The following ATP2B2 variants were observed in gnomAD, a reference collection of about 807,000 sequenced individuals.
The protein encoded by ATP2B2 is plasma membrane calcium-transporting ATPase 2.
In ATP2B2, 15 loss-of-function variants were observed where a neutral mutation model predicts 120.0. That is an observed-to-expected ratio of 0.12 (90% confidence interval 0.08 to 0.19). The LOEUF is 0.19. Ranked by LOEUF, ATP2B2 falls within the 10% of genes least tolerant of loss-of-function variation. The pLI is 1.00. For synonymous variants in ATP2B2, 694 were observed against 700.3 expected, an observed-to-expected ratio of 0.99 and a Z score of 0.14; for missense variants, 1,045 against 1,719.8, an observed-to-expected ratio of 0.61 and a Z score of 6.94.
chr3:10,545,669 G>C (rs578225040), intron 2 of ATP2B2, among the ~76,000 whole-genome samples: 1 of 152,342 alleles, frequency 6.6e-6, no homozygotes, highest in African/African-American at 2.4e-5. Flanking sequence ...CAGTAATTGG[G>C]AATGCAGACA....
In ATP2B2 at chr3:10,644,667, T is replaced by C. The variant is rs537887247; in HGVS notation, c.-459-24706A>G. On this transcript the variant is annotated intron_variant, in intron 1 of 21. Coordinates refer to the ATP2B2 transcript ENST00000646379. ...CAAAAGGCTGCATATTCCATGATTCTATTTATATGCAATGTCTAGAATCAA... is the reference window on the plus strand; with the variant it reads ...CAAAAGGCTGCATATTCCATGATTCCATTTATATGCAATGTCTAGAATCAA... Among the ~76,000 whole-genome samples the C allele has an allele frequency of 2.6e-5, 4 of 152,364 alleles. No homozygotes were observed. In the East Asian group the frequency reaches 7.7e-4, roughly 29 times the overall value.
rs149451433 is a variant in ATP2B2, at chr3:10,698,956, T to G, written c.-460+8959A>C. Reference sequence around the variant, plus strand: ...CATAACCGTCATCCACTCTTACCCTTCACCTGTGGGATGGTCTTCTAAAGC... The same window carrying G: ...CATAACCGTCATCCACTCTTACCCTGCACCTGTGGGATGGTCTTCTAAAGC... On this transcript the variant is annotated intron_variant, in intron 1 of 21. Transcript: ENST00000646379. Among the ~76,000 whole-genome samples the G allele has an allele frequency of 4.1e-3, 620 of 152,320 alleles. 2 individuals carry two copies. The highest frequency in any genetic ancestry group is 0.014 in the African/African-American group (591 of 41,576).
At chr3:10,489,282 C>T (rs900459506) in intron 1 of ATP2B2, among the ~76,000 whole-genome samples, 1 of 152,206 alleles carries the variant, frequency 6.6e-6, no homozygotes, top group Admixed American at 6.5e-5. Context: ...TATGGTCTCT[C>T]TCCACCTGCT....
chr3:10,384,316 G>A (rs1390187915), intron 8 of ATP2B2, among the ~76,000 whole-genome samples: 1 of 152,196 alleles, frequency 6.6e-6, no homozygotes, highest in Admixed American at 6.5e-5. Context: ...TGCAGAGACG[G>A]TGGGAAAAAG....
chr3:10,702,982 C>T (rs1180612284), intron 1 of ATP2B2, among the ~76,000 whole-genome samples: 1 of 152,156 alleles, frequency 6.6e-6, no homozygotes, highest in African/African-American at 2.4e-5. Flanking sequence ...CTCTGGAAGC[C>T]TGATGGAAGC....
chr3:10,561,096 C>T (rs1213039179), intron 2 of ATP2B2, among the ~76,000 whole-genome samples: 1 of 152,184 alleles, frequency 6.6e-6, no homozygotes, highest in African/African-American at 2.4e-5. Flanking sequence ...TACAAGTCTC[C>T]CCTTGCACTT....
chr3:10,449,697 C>A lies in ATP2B2; in HGVS notation c.-154G>T, dbSNP rs567025154. 1.9e-3 allele frequency: 1,619 copies of A among 863,376 alleles called. No individual in the cohort carries two copies. The highest frequency in any genetic ancestry group is 2.8e-3 in the Non-Finnish European group (1,485 of 530,084). 53.5% of individuals were successfully genotyped at this position (863,376 alleles called of 1,614,324 possible). A position where few individuals can be genotyped will look rare whatever the true frequency, so the allele number is the denominator to read the frequency against. ...CCGGGTCCCGGGGGGTGGGGGTGGC[C>A]GAGGCGGGCTGGTGACAGTGGTGGT... On this transcript the variant is annotated 5_prime_UTR_variant, in exon 2 of 23. Coordinates refer to ENST00000360273, the MANE Select transcript of ATP2B2 (RefSeq NM_001001331.4).
Position 10,458,779 on chromosome 3 carries a change from C to T in ATP2B2, c.-319-8917G>A, listed in dbSNP as rs144436622. Among the ~76,000 whole-genome samples the T allele has an allele frequency of 2.1e-3, 315 of 152,328 alleles. 5 individuals carry two copies. The South Asian group carries it at 0.041, about 20-fold the overall frequency. On this transcript the variant is annotated intron_variant, in intron 1 of 22. Coordinates refer to ENST00000360273, the MANE Select transcript of ATP2B2 (RefSeq NM_001001331.4). The stretch of plus-strand genomic sequence containing the variant: ...CACTTTATAGGCAAGGAAGCTGGGG[C>T]TCAGAGAGGCCACAATCGCCACGGC...
upstream of ATP2B2, among the ~76,000 whole-genome samples, chr3:10,506,281 C>T (rs767289558): frequency 1.3e-5 from 2 of 151,698 alleles, no homozygotes; most frequent in Non-Finnish European, 2.9e-5. Context: ...CACCTGCCCT[C>T]GGGGGGGTGT....
In ATP2B2 at chr3:10,516,962, ATGTGTGTG is replaced by A. The variant is rs112098821; in HGVS notation, c.-320+17069_-320+17076del. Among the ~76,000 whole-genome samples the A allele has an allele frequency of 6.1e-4, 91 of 149,818 alleles. 1 individual carries two copies. The highest frequency in any genetic ancestry group is 3.6e-3 in the South Asian group (17 of 4,686). ...GCTTGTTTAGATCTACAATTTTCAG[ATGTGTGTG>A]TGTGTGTGTGTGTGTTTCTTAAAAA... On this transcript the variant is annotated intron_variant, in intron 3 of 21. Transcript: ENST00000646379.
intron 2 of ATP2B2, among the ~76,000 whole-genome samples, chr3:10,414,783 C>G (rs1037918192): frequency 6.6e-6 from 1 of 152,182 alleles, no homozygotes; most frequent in African/African-American, 2.4e-5. Context: ...CTCCCTCCCT[C>G]TTCCAGGCAG....
intron 2 of ATP2B2, among the ~76,000 whole-genome samples, chr3:10,432,206 T>C (rs2125105077): frequency 6.6e-6 from 1 of 152,370 alleles, no homozygotes; most frequent in Middle Eastern, 3.4e-3. Flanking sequence ...TTTCCTCATC[T>C]GTAGGACAGT....
intron 9 of ATP2B2, among the ~76,000 whole-genome samples, 185 bp from the exon 10 acceptor site, chr3:10,378,595 G>A (rs1016720410): frequency 1.3e-5 from 2 of 152,208 alleles, no homozygotes; most frequent in Admixed American, 1.3e-4. Flanking sequence ...TCCAGCCGGA[G>A]CTATGGATCC....
At chr3:10,609,008 C>T (rs1056338919) in intron 2 of ATP2B2, among the ~76,000 whole-genome samples, 4 of 152,196 alleles carry the variant, frequency 2.6e-5, no homozygotes, top group African/African-American at 4.8e-5. Context: ...CTTCCTTCCC[C>T]GGAATTCCGG....
Position 10,375,769 on chromosome 3 carries a change from A to C in ATP2B2, c.1202-125T>G. The C allele has an allele frequency of 1.2e-6, 1 of 821,560 alleles. No homozygotes were observed. The highest frequency in any genetic ancestry group is 2.0e-6 in the Non-Finnish European group (1 of 491,748). The allele number at this position is 821,560 out of a possible 1,614,324, so 50.9% of individuals were successfully genotyped here. A position where few individuals can be genotyped will look rare whatever the true frequency, so the allele number is the denominator to read the frequency against. ...CCCCAGCTCACCTCCCAGCTCTGCCACTCCTTGCTTTATGACCTGTGGCAA... is the reference window on the plus strand; with the variant it reads ...CCCCAGCTCACCTCCCAGCTCTGCCCCTCCTTGCTTTATGACCTGTGGCAA... On this transcript the variant is annotated intron_variant, in intron 10 of 22. Transcript: ENST00000360273. This position sits in a 1 kb window ranked among gnomAD's most constrained non-coding sequence, Gnocchi z 4.2.
rs2068280511 is a variant in ATP2B2 at position 10,577,486 on chromosome 3, G to T, written c.-415+42431C>A. Among the ~76,000 whole-genome samples, 4 of 152,204 alleles carry T rather than the reference G, an allele frequency of 2.6e-5. 1 individual carries two copies. The highest frequency in any genetic ancestry group is 2.6e-4 in the Admixed American group (4 of 15,280). On this transcript the variant is annotated intron_variant, in intron 2 of 21. Coordinates refer to the ATP2B2 transcript ENST00000646379. ...GCTTTAATCCCCAAGGCCATCAGGG[G>T]ATCCCAGGGCTGCAGAAACCATCGG...
intron 2 of ATP2B2, among the ~76,000 whole-genome samples, chr3:10,442,161 G>C (rs1384678196): frequency 1.3e-5 from 2 of 152,076 alleles, no homozygotes; most frequent in African/African-American, 4.8e-5. Flanking sequence ...GGTAGTTTTG[G>C]GACTCAGGCC....
chr3:10,509,310 C>T (rs183052736), upstream of ATP2B2, among the ~76,000 whole-genome samples: 19 of 152,146 alleles, frequency 1.2e-4, no homozygotes, highest in Non-Finnish European at 1.9e-4. Flanking sequence ...CCTTGCCTTG[C>T]CTGGCTCGGG....
At chr3:10,499,741 G>C (rs1218308100) in intron 1 of ATP2B2, among the ~76,000 whole-genome samples, 1 of 151,978 alleles carries the variant, frequency 6.6e-6, no homozygotes, top group Non-Finnish European at 1.5e-5. Flanking sequence ...GTGCCCAGGA[G>C]CCCCTGCAGA....
Sources: gnomAD v4.1 joint callset for allele counts (sites outside exome capture counted in the v4.1 genomes callset) on GRCh38, gnomAD v4.1.1 for gene constraint, Gnocchi (gnomAD v3.1) non-coding constraint, MANE v1.5 for transcripts, NCBI Gene and HGNC (gene_info 2026-07-23, HGNC 2026-07-21) for gene names.